CACNA2D3: variants seen among roughly 807,000 people sequenced by gnomAD.
CACNA2D3 encodes the protein voltage-dependent calcium channel subunit alpha-2/delta-3.
A neutral mutation model predicts 160.6 loss-of-function variants in CACNA2D3; 60 were observed. The observed-to-expected ratio is 0.37, with a 90% CI of 0.30 to 0.46. CACNA2D3 has a LOEUF of 0.46. CACNA2D3 is among the 20% of genes least tolerant of loss of function. The pLI is 1.00. For missense variants in CACNA2D3, 1,205 were observed against 1,365.0 expected, an observed-to-expected ratio of 0.88 and a Z score of 1.85; for synonymous variants, 558 against 492.9, an observed-to-expected ratio of 1.13 and a Z score of -1.75.
At chr3:54,433,866 A>G (rs951920838) in intron 4 of CACNA2D3, among the ~76,000 whole-genome samples, 1 of 152,240 alleles carries the variant, frequency 6.6e-6, no homozygotes, top group Non-Finnish European at 1.5e-5. Flanking sequence ...TTCACCCAGT[A>G]GCAGCCAAGG....
At chr3:54,738,860 T>A (rs1339004565) in intron 11 of CACNA2D3, among the ~76,000 whole-genome samples, 1 of 152,210 alleles carries the variant, frequency 6.6e-6, no homozygotes, top group Non-Finnish European at 1.5e-5. Context: ...CTCTTACGTG[T>A]AAGACTTGGG....
Position 54,891,345 on chromosome 3 carries a change from T to TGA in CACNA2D3, c.2151-10_2151-9insGA. 1 of 1,609,606 alleles carries TGA rather than the reference T, an allele frequency of 6.2e-7. No homozygotes were observed. The highest frequency in any genetic ancestry group is 8.5e-7 in the Non-Finnish European group (1 of 1,176,000). On this transcript the variant is annotated splice_polypyrimidine_tract_variant and intron_variant, in intron 24 of 37. Transcript: ENST00000474759. ...GAGGCCTCCCCCTGACGTCTGTTGTTCTGTTTCAGAAATTCTGACAAGGGC... is the reference window on the plus strand; with the variant it reads ...GAGGCCTCCCCCTGACGTCTGTTGTTGACTGTTTCAGAAATTCTGACAAGGGC...
At chr3:54,586,244 A>G (rs1231629480) in intron 9 of CACNA2D3, among the ~76,000 whole-genome samples, 2 of 142,304 alleles carry the variant, frequency 1.4e-5, no homozygotes, top group Admixed American at 1.4e-4. Flanking sequence ...AGCCTGGGCA[A>G]TAGAGCGAGA....
chr3:54,147,337 G>A (rs1279429265), intron 2 of CACNA2D3, among the ~76,000 whole-genome samples: 1 of 152,208 alleles, frequency 6.6e-6, no homozygotes, highest in Non-Finnish European at 1.5e-5. Context: ...TGGCTCTTCT[G>A]ACTCTAAAAA....
Position 54,204,607 on chromosome 3 carries a change from T to C in CACNA2D3, c.204+81013T>C, listed in dbSNP as rs906941343. Among the ~76,000 whole-genome samples, 72 of 151,988 alleles carry C rather than the reference T, an allele frequency of 4.7e-4. 1 individual carries two copies. The South Asian group carries it at 4.8e-3, about 10-fold the overall frequency. ...GTCAGGAGTTCAAGACCAGCCTGGC[T>C]AACATGGTGAAACCCTGTCTCTACT... On this transcript the variant is annotated intron_variant, in intron 2 of 37. Transcript: ENST00000474759.
At chr3:54,705,884 T>G (rs1700848287) in intron 11 of CACNA2D3, among the ~76,000 whole-genome samples, 1 of 130,176 alleles carries the variant, frequency 7.7e-6, no homozygotes, top group Admixed American at 8.2e-5. Context: ...AGCACTTCAG[T>G]GATACTGACT....
intron 2 of CACNA2D3, among the ~76,000 whole-genome samples, chr3:54,168,812 A>G (rs55882236): frequency 0.21 from 31,562 of 152,148 alleles, 3,366 homozygotes; most frequent in South Asian, 0.25. Context: ...AGCCAAGCCA[A>G]TTTGCAGGGT....
At chr3:54,168,758 C>A (rs1016020193) in intron 2 of CACNA2D3, among the ~76,000 whole-genome samples, 3 of 152,056 alleles carry the variant, frequency 2.0e-5, no homozygotes, top group African/African-American at 7.2e-5. Flanking sequence ...ATGGAAGGCC[C>A]CTTTAGGTGG....
At chr3:54,906,460 G>A (rs746347203) in intron 27 of CACNA2D3, among the ~76,000 whole-genome samples, 1 of 152,176 alleles carries the variant, frequency 6.6e-6, no homozygotes, top group East Asian at 1.9e-4. Flanking sequence ...TCTGAATCAT[G>A]AGACGCAGTC....
intron 10 of CACNA2D3, among the ~76,000 whole-genome samples, chr3:54,635,596 C>T (rs551729754): frequency 2.0e-5 from 3 of 152,038 alleles, no homozygotes; most frequent in Admixed American, 2.0e-4. Flanking sequence ...ATGGGCTGTA[C>T]CTTGTAGCAT....
intron 16 of CACNA2D3, among the ~76,000 whole-genome samples, chr3:54,843,588 C>A (rs748981304): frequency 1.3e-5 from 2 of 152,204 alleles, no homozygotes; most frequent in Non-Finnish European, 2.9e-5. Flanking sequence ...ATGGCTCTGT[C>A]TTACATATGA....
intron 31 of CACNA2D3, among the ~76,000 whole-genome samples, chr3:54,997,726 GAGAAA>G (rs1292938405): frequency 1.3e-5 from 2 of 152,230 alleles, no homozygotes; most frequent in South Asian, 2.1e-4. Flanking sequence ...CATCTCAAAA[GAGAAA>G]AGAAAAGGAA....
rs748553700 is a variant in CACNA2D3, at chr3:54,871,593, G to C, written c.1681G>C (p.Glu561Gln). 3 of 1,613,650 alleles carry C rather than the reference G, an allele frequency of 1.9e-6. No homozygotes were observed. The highest frequency in any genetic ancestry group is 2.5e-6 in the Non-Finnish European group (3 of 1,179,584). ...TAACTATAGTAGCGTTGACCTCTCT[G>C]AGGTGGAGTGGGAAGACCGAGATGA... ...KPNYSSVDLS[E>Q]VEWEDRDDVL... Residue 561 changes from glutamate (E) to glutamine (Q), a missense_variant, in exon 18 of 38, where the codon GAG becomes CAG. This residue lies in a region of CACNA2D3 where 911 missense variants were observed against 1,002.2 expected (regional missense o/e 0.91). Transcript: ENST00000474759.
intron 4 of CACNA2D3, among the ~76,000 whole-genome samples, chr3:54,468,788 C>T (rs983894032): frequency 1.3e-4 from 20 of 152,280 alleles, no homozygotes; most frequent in South Asian, 4.1e-4. Flanking sequence ...TGGTTTACCC[C>T]TCACAGTGTA....
At chr3:54,289,006 G>C (rs1703111974) in intron 2 of CACNA2D3, among the ~76,000 whole-genome samples, 1 of 152,096 alleles carries the variant, frequency 6.6e-6, no homozygotes, top group East Asian at 1.9e-4. Flanking sequence ...TTGAAAACTG[G>C]CACAAGACAG....
chr3:54,786,346 T>A (rs1702641306), intron 13 of CACNA2D3, among the ~76,000 whole-genome samples: 1 of 152,198 alleles, frequency 6.6e-6, no homozygotes, highest in African/African-American at 2.4e-5. Flanking sequence ...TAAAATAGTG[T>A]CCACTTGGGA....
At chr3:54,469,660 T>C (rs1164679394) in intron 4 of CACNA2D3, among the ~76,000 whole-genome samples, 1 of 152,006 alleles carries the variant, frequency 6.6e-6, no homozygotes, top group Admixed American at 6.6e-5. Context: ...TCTAACCCGA[T>C]ACAAGGAAGC....
At chr3:54,977,535 T>C (rs901881939) in intron 29 of CACNA2D3, among the ~76,000 whole-genome samples, 8 of 152,174 alleles carry the variant, frequency 5.3e-5, no homozygotes, top group South Asian at 2.1e-4. Flanking sequence ...ACTAATTAGT[T>C]AGAGATGTTG....
intron 2 of CACNA2D3, among the ~76,000 whole-genome samples, chr3:54,226,560 C>T (rs1701677320): frequency 6.6e-6 from 1 of 152,124 alleles, no homozygotes; most frequent in Non-Finnish European, 1.5e-5. Context: ...ACTTTTGCCT[C>T]CCAAAGTGTT....
Sources: gnomAD v4.1 joint callset for allele counts (sites outside exome capture counted in the v4.1 genomes callset) on GRCh38, gnomAD v4.1.1 for gene constraint, gnomAD v4.1.1 regional missense constraint, MANE v1.5 for transcripts, NCBI Gene and HGNC (gene_info 2026-07-23, HGNC 2026-07-21) for gene names.